Variants in FAM83B observed in about 807,000 individuals in gnomAD.
FAM83B encodes the protein protein FAM83B.
In FAM83B, 26 loss-of-function variants were observed where a neutral mutation model predicts 38.8. The observed-to-expected ratio is 0.67, with a 90% confidence interval of 0.49 to 0.93. The LOEUF is 0.93. FAM83B is among the 40% of genes least tolerant of loss of function. The pLI is 0.00. For missense variants in FAM83B, 1,237 were observed against 1,197.3 expected, an observed-to-expected ratio of 1.03 and a Z score of -0.49; for synonymous variants, 419 against 423.1, an observed-to-expected ratio of 0.99 and a Z score of 0.12.
intron 4 of FAM83B, among the ~76,000 whole-genome samples, chr6:54,935,949 G>A (rs1773515686): frequency 6.6e-6 from 1 of 152,048 alleles, no homozygotes; most frequent in African/African-American, 2.4e-5. Context: ...AAGGAGGAGT[G>A]CTAGATGACA....
intron 2 of FAM83B, among the ~76,000 whole-genome samples, chr6:54,910,406 G>C (rs1772877674): frequency 1.3e-5 from 2 of 152,000 alleles, no homozygotes; most frequent in African/African-American, 2.4e-5. Context: ...TTCTGTTCCC[G>C]CCTCTACCGG....
Position 54,941,612 on chromosome 6 carries a change from G to T in FAM83B, c.2641G>T (p.Ala881Ser), listed in dbSNP as rs147287936. The change falls in exon 5 of 5, where the codon GCA becomes TCA. Residue 881 changes from alanine (A) to serine (S), a missense_variant. By Grantham distance (99) the Ala-to-Ser change is moderately conservative. Transcript: ENST00000306858. Reference sequence around the variant, plus strand: ...AGTTGAAAGCAAGTTCTTGGAAAGGGCAGGAGATGCCTCTGCCCCAAGATT... The same window carrying T: ...AGTTGAAAGCAAGTTCTTGGAAAGGTCAGGAGATGCCTCTGCCCCAAGATT... ...GPVESKFLER[A>S]GDASAPRFNT... The T allele has an allele frequency of 6.2e-7, 1 of 1,614,054 alleles. No homozygotes were observed. The highest frequency in any genetic ancestry group is 8.5e-7 in the Non-Finnish European group (1 of 1,180,012).
chr6:54,873,900 G>A (rs1771925580), intron 2 of FAM83B, among the ~76,000 whole-genome samples: 1 of 151,852 alleles, frequency 6.6e-6, no homozygotes, highest in Non-Finnish European at 1.5e-5. Flanking sequence ...GCCATTTTAT[G>A]GAAAAATCTT....
chr6:54,933,132 T>G (rs1773459256), intron 4 of FAM83B, among the ~76,000 whole-genome samples: 1 of 151,056 alleles, frequency 6.6e-6, no homozygotes, highest in South Asian at 2.1e-4. Context: ...ATCTTTGCTT[T>G]TCTTCATTCC....
intron 2 of FAM83B, among the ~76,000 whole-genome samples, chr6:54,886,639 A>G (rs1261002947): frequency 6.6e-6 from 1 of 151,736 alleles, no homozygotes; most frequent in African/African-American, 2.4e-5. Context: ...TTCATCCTTC[A>G]TATTGGAGGT....
rs577491274 is a variant in FAM83B, at chr6:54,927,705, T to C, written c.734+73T>C. ...TTATTAGTTTCAAATTTTAATATAATCAGTTAAGCTTTTTCTTAAAAGTAA... is the reference window on the plus strand; with the variant it reads ...TTATTAGTTTCAAATTTTAATATAACCAGTTAAGCTTTTTCTTAAAAGTAA... On this transcript the variant is annotated intron_variant, in intron 4 of 4. Coordinates refer to ENST00000306858, the MANE Select transcript of FAM83B (RefSeq NM_001010872.3). The C allele has an allele frequency of 5.4e-5, 21 of 386,384 alleles. No homozygotes were observed. In the East Asian group the frequency reaches 1.9e-3, roughly 35 times the overall value. 23.9% of individuals were successfully genotyped at this position (386,384 alleles called of 1,614,324 possible).
chr6:54,926,632 AAAAC>A, intron 3 of FAM83B, 97 bp downstream of exon 3: 1 of 919,726 alleles, frequency 1.1e-6, no homozygotes, highest in African/African-American at 1.6e-5. Context: ...ATAAAACTGA[AAAAC>A]AAAAAAAAAT....
In FAM83B at chr6:54,944,989, G is replaced by A. The variant is rs949113034; in HGVS notation, c.*2982G>A. 2 of 152,136 alleles carry A rather than the reference G, an allele frequency of 1.3e-5. No homozygotes were observed. Among genetic ancestry groups the A allele is most frequent in the African/African-American group, 2.4e-5 (1 of 41,422 alleles). The allele number at this position is 152,136 out of a possible 1,614,324, so 9.4% of individuals were successfully genotyped here. On this transcript the variant is annotated 3_prime_UTR_variant, in exon 5 of 5. Coordinates refer to ENST00000306858, the MANE Select transcript of FAM83B (RefSeq NM_001010872.3). ...AACGATCCTCCAGCCTCAGGTTCCT[G>A]AGTAGCTCAACATTTTATGTATGTA... is the stretch of plus-strand genomic sequence containing the variant.
intron 2 of FAM83B, among the ~76,000 whole-genome samples, chr6:54,871,898 T>A (rs1255858095): frequency 6.6e-6 from 1 of 152,060 alleles, no homozygotes; most frequent in Non-Finnish European, 1.5e-5. Context: ...CTTTCTTCTA[T>A]GCCAATAAGA....
intron 1 of FAM83B, among the ~76,000 whole-genome samples, chr6:54,853,492 C>T (rs1771362203): frequency 6.6e-6 from 1 of 151,992 alleles, no homozygotes; most frequent in South Asian, 2.1e-4. Flanking sequence ...GCTCATTTAC[C>T]ATCCCAGAAT....
intron 4 of FAM83B, among the ~76,000 whole-genome samples, chr6:54,930,567 T>C (rs1462779867): frequency 6.6e-6 from 1 of 152,140 alleles, no homozygotes; most frequent in Non-Finnish European, 1.5e-5. Flanking sequence ...CATTTATGGC[T>C]TAATGTGGGA....
At chr6:54,880,577 TG>T (rs1452817224) in intron 2 of FAM83B, among the ~76,000 whole-genome samples, 4 of 151,274 alleles carry the variant, frequency 2.6e-5, no homozygotes, top group African/African-American at 9.7e-5. Flanking sequence ...CCTGAGTAGC[TG>T]GGATTACAGG....
chr6:54,924,415 T>C (rs956547578), intron 2 of FAM83B, among the ~76,000 whole-genome samples: 1 of 151,244 alleles, frequency 6.6e-6, no homozygotes, highest in Non-Finnish European at 1.5e-5. Context: ...TACACAAAAA[T>C]AGTTTTCTGT....
chr6:54,940,978 C>T lies in FAM83B; in HGVS notation c.2007C>T (p.Asp669=). The stretch of plus-strand genomic sequence containing the variant: ...AAAGGCGAAGTTTCCCGTTATTTGA[C>T]AACTCAAAAGCCAACTTAGATCCTG... The part of the protein sequence containing the change: ...LLKRRSFPLF[D]NSKANLDPGN... The change falls in exon 5 of 5, where the codon GAC becomes GAT. Residue 669 remains aspartate (D), a synonymous_variant. Coordinates refer to ENST00000306858, the MANE Select transcript of FAM83B (RefSeq NM_001010872.3). 1 of 1,613,866 alleles carries T rather than the reference C, an allele frequency of 6.2e-7. No individual in the cohort carries two copies. Among genetic ancestry groups the T allele is most frequent in the South Asian group, 1.1e-5 (1 of 91,000 alleles).
chr6:54,941,493 G>A lies in FAM83B; in HGVS notation c.2522G>A (p.Ser841Asn), dbSNP rs1167138691. 1.2e-6 allele frequency: 2 copies of A among 1,613,876 alleles called. No individual in the cohort carries two copies. The highest frequency in any genetic ancestry group is 2.2e-5 in the East Asian group (1 of 44,884). ...TCTTCCTCATCGAATTCTCAAGGCA[G>A]CATCCACAAGAGTAAGGAAGATGTA... ...KHSSSSNSQG[S>N]IHKSKEDVTV... Residue 841 changes from serine to asparagine, a missense_variant, in exon 5 of 5, where the codon AGC (serine) becomes AAC (asparagine). Ser to Asn is a conservative substitution (Grantham distance 46, BLOSUM62 1). Transcript: ENST00000306858.
intron 1 of FAM83B, among the ~76,000 whole-genome samples, chr6:54,859,372 A>AT (rs534870500): frequency 3.3e-4 from 50 of 152,068 alleles, no homozygotes; most frequent in East Asian, 1.5e-3. Context: ...GGGTATTATG[A>AT]TTTTTTTTAA....
Position 54,942,110 on chromosome 6 carries a change from G to A in FAM83B, c.*103G>A. On this transcript the variant is annotated 3_prime_UTR_variant, in exon 5 of 5. Coordinates refer to ENST00000306858, the MANE Select transcript of FAM83B (RefSeq NM_001010872.3). ...AGATTTTCCTAAGGACAGAATTATG[G>A]GTATGATGTATATGTTCACCAGTGT... 1 of 1,175,754 alleles carries A rather than the reference G, an allele frequency of 8.5e-7. No homozygotes were observed. Among genetic ancestry groups the A allele is most frequent in the Non-Finnish European group, 1.2e-6 (1 of 844,944 alleles). 72.8% of individuals were successfully genotyped at this position (1,175,754 alleles called of 1,614,324 possible).
chr6:54,858,907 C>T (rs953744175), intron 1 of FAM83B, among the ~76,000 whole-genome samples: 3 of 152,058 alleles, frequency 2.0e-5, no homozygotes, highest in African/African-American at 4.8e-5. Context: ...CAGTACTCAG[C>T]GCATTTCTGG....
chr6:54,921,042 G>A (rs1773155861), intron 2 of FAM83B, among the ~76,000 whole-genome samples: 1 of 151,772 alleles, frequency 6.6e-6, no homozygotes, highest in Non-Finnish European at 1.5e-5. Flanking sequence ...ACATTTGTTA[G>A]AATATTACCC....
Sources: allele counts gnomAD v4.1 joint callset (sites outside exome capture counted in the v4.1 genomes callset), GRCh38; gene constraint gnomAD v4.1.1; transcripts MANE v1.5; gene names NCBI Gene and HGNC (gene_info 2026-07-23, HGNC 2026-07-21).